The following HFM1 variants were observed in gnomAD, a reference collection of about 807,000 sequenced individuals.
HFM1 encodes helicase for meiosis 1.
Under a neutral mutation model 192.1 loss-of-function variants are expected in HFM1, and 169 were observed. The observed-to-expected ratio is 0.88, with a 90% confidence interval of 0.78 to 1.00. The LOEUF (loss-of-function observed/expected upper bound fraction) is 1.00. Ranked by LOEUF, HFM1 falls within the 50% of genes least tolerant of loss-of-function variation. The pLI is 0.00. For synonymous variants in HFM1, 525 were observed against 537.8 expected, an observed-to-expected ratio of 0.98 and a Z score of 0.33; for missense variants, 1,661 against 1,668.0, an observed-to-expected ratio of 1.00 and a Z score of 0.07.
At chr1:91,371,911 A>T (rs1002217890) in intron 13 of HFM1, among the ~76,000 whole-genome samples, 23 of 152,030 alleles carry the variant, frequency 1.5e-4, no homozygotes, top group Non-Finnish European at 2.6e-4. Context: ...AACAACCCCA[A>T]CAAAAAGTGG....
chr1:91,290,239 A>G (rs1326999588), intron 30 of HFM1, among the ~76,000 whole-genome samples: 2 of 152,242 alleles, frequency 1.3e-5, no homozygotes, highest in Non-Finnish European at 2.9e-5. Context: ...TGCTCCAATT[A>G]AAAGACACAG....
intron 13 of HFM1, among the ~76,000 whole-genome samples, chr1:91,374,045 G>A (rs1031717668): frequency 4.6e-5 from 7 of 152,132 alleles, no homozygotes; most frequent in Non-Finnish European, 8.8e-5. Flanking sequence ...CAGGGAAACT[G>A]ATGGCTATGG....
chr1:91,325,106 G>A (rs1652693525), intron 20 of HFM1, among the ~76,000 whole-genome samples: 2 of 151,902 alleles, frequency 1.3e-5, no homozygotes, highest in African/African-American at 4.8e-5. Flanking sequence ...GGGCCAGAGG[G>A]GGAGCCTACT....
intron 13 of HFM1, among the ~76,000 whole-genome samples, chr1:91,364,632 A>ATATTTTT (rs753472335): frequency 1.5e-4 from 10 of 66,786 alleles, no homozygotes; most frequent in South Asian, 1.3e-3. Flanking sequence ...ATATATATAT[A>ATATTTTT]TTTTTTTTTT....
chr1:91,355,957 T>C (rs925797778), intron 13 of HFM1, among the ~76,000 whole-genome samples: 7 of 152,192 alleles, frequency 4.6e-5, no homozygotes, highest in African/African-American at 1.2e-4. Context: ...GGACAGATCA[T>C]ACATTAAGCC....
At chr1:91,363,909 A>G (rs1295863318) in intron 13 of HFM1, among the ~76,000 whole-genome samples, 1 of 152,224 alleles carries the variant, frequency 6.6e-6, no homozygotes, top group Non-Finnish European at 1.5e-5. Context: ...GATGGAAGCC[A>G]TTATCCTCAG....
intron 30 of HFM1, among the ~76,000 whole-genome samples, chr1:91,287,917 T>C (rs1349638099): frequency 6.6e-6 from 1 of 151,910 alleles, no homozygotes; most frequent in Non-Finnish European, 1.5e-5. Context: ...GTATCAGCGA[T>C]GGAAGATGAA....
intron 30 of HFM1, among the ~76,000 whole-genome samples, chr1:91,278,349 A>G (rs1248288137): frequency 7.2e-5 from 11 of 152,114 alleles, no homozygotes; most frequent in Non-Finnish European, 1.5e-4. Context: ...CTTAGCTCTC[A>G]CTAGTAGCAC....
intron 31 of HFM1, 59 bp from the exon 32 acceptor site, chr1:91,276,802 C>A: frequency 2.2e-6 from 2 of 926,018 alleles, no homozygotes; most frequent in South Asian, 3.9e-5. Context: ...CTTATAAAGT[C>A]AAATTTCTTT....
intron 32 of HFM1, among the ~76,000 whole-genome samples, chr1:91,275,415 G>A (rs7417055): frequency 0.68 from 103,867 of 151,992 alleles, 35,689 homozygotes; most frequent in East Asian, 0.81. Flanking sequence ...TCTACTTCTC[G>A]CTCAGCTCTG....
intron 36 of HFM1, among the ~76,000 whole-genome samples, chr1:91,265,210 C>T (rs888583880): frequency 1.1e-4 from 17 of 152,126 alleles, no homozygotes; most frequent in Admixed American, 1.0e-3. Flanking sequence ...GCCTACCATA[C>T]AGGTAAAAAC....
chr1:91,329,548 A>G (rs1653488205), intron 20 of HFM1: 2 of 1,404,646 alleles, frequency 1.4e-6, no homozygotes, highest in Non-Finnish European at 1.9e-6. Flanking sequence ...CCTCCTTGAC[A>G]CCAGAATATT....
chr1:91,374,572 G>A (rs1490632426), intron 13 of HFM1, among the ~76,000 whole-genome samples: 1 of 152,092 alleles, frequency 6.6e-6, no homozygotes, highest in Non-Finnish European at 1.5e-5. Context: ...TGGGGTATAA[G>A]GTGAAGAAGA....
intron 20 of HFM1, among the ~76,000 whole-genome samples, chr1:91,343,187 C>T (rs1655603196): frequency 6.9e-6 from 1 of 143,960 alleles, no homozygotes; most frequent in African/African-American, 2.6e-5. Flanking sequence ...GCTGAGATCT[C>T]GCCACTGCAC....
intron 20 of HFM1, among the ~76,000 whole-genome samples, chr1:91,335,015 AGCTGG>A (rs1654385475): frequency 6.6e-6 from 1 of 152,192 alleles, no homozygotes; most frequent in African/African-American, 2.4e-5. Flanking sequence ...CATAGAAAAC[AGCTGG>A]GAAGAAGAAA....
At position 91,378,200 on chromosome 1, in the gene HFM1, G is replaced by GA; in HGVS notation, c.1237-18dup. The GA allele has an allele frequency of 1.3e-6, 2 of 1,546,594 alleles. No homozygotes were observed. Among genetic ancestry groups the GA allele is most frequent in the East Asian group, 2.3e-5 (1 of 43,784 alleles). On this transcript the variant is annotated splice_polypyrimidine_tract_variant and intron_variant, in intron 10 of 38. Coordinates refer to ENST00000370425, the MANE Select transcript of HFM1 (RefSeq NM_001017975.6). ...AATATGTACCTAAGCAGGAAATCAA[G>GA]AAAAAATCATTAGCTATAGAATTAA...
chr1:91,383,238 T>C (rs956638328), intron 6 of HFM1, among the ~76,000 whole-genome samples: 1 of 152,168 alleles, frequency 6.6e-6, no homozygotes, highest in African/African-American at 2.4e-5. Flanking sequence ...CTCAAAGCTC[T>C]TTAAAAGCCA....
chr1:91,272,817 A>G (rs1425384957), intron 34 of HFM1, among the ~76,000 whole-genome samples: 1 of 152,024 alleles, frequency 6.6e-6, no homozygotes, highest in African/African-American at 2.4e-5. Flanking sequence ...TTGACTCTGT[A>G]AAATCTTAAA....
At chr1:91,320,618 A>G (rs1330802182) in intron 23 of HFM1, among the ~76,000 whole-genome samples, 1 of 152,238 alleles carries the variant, frequency 6.6e-6, no homozygotes, top group South Asian at 2.1e-4. Context: ...ACTTTTCAAC[A>G]TCATACTTCC....
Sources: allele counts gnomAD v4.1 joint callset (sites outside exome capture counted in the v4.1 genomes callset), GRCh38; gene constraint gnomAD v4.1.1; transcripts MANE v1.5; gene names NCBI Gene and HGNC (gene_info 2026-07-23, HGNC 2026-07-21).